Variants in SDK1 observed in about 807,000 individuals in gnomAD.
The protein encoded by SDK1 is protein sidekick-1.
In SDK1, 157 loss-of-function variants were observed where a neutral mutation model predicts 245.5. The observed-to-expected ratio is 0.64, with a 90% CI of 0.56 to 0.73. SDK1 has a LOEUF of 0.73. Ranked by LOEUF, SDK1 falls within the 30% of genes least tolerant of loss-of-function variation. The probability of loss-of-function intolerance (pLI) is 0.00; values close to 1 mark genes in which losing one functional copy is unlikely to be tolerated. For synonymous variants in SDK1, 1,647 were observed against 1,278.5 expected (o/e 1.29, Z -6.15); for missense variants, 3,583 against 3,002.3 (o/e 1.19, Z -4.52).
chr7:4,266,355 G>A lies in SDK1; in HGVS notation c.*971G>A, dbSNP rs1015308596. 5 of 985,218 alleles carry A rather than the reference G, an allele frequency of 5.1e-6. No individual in the cohort carries two copies. The African/African-American group carries it at 8.7e-5, about 17-fold the overall frequency. The allele number at this position is 985,218 out of a possible 1,614,324, so 61.0% of individuals were successfully genotyped here. On this transcript the variant is annotated 3_prime_UTR_variant, in exon 45 of 45. Transcript: ENST00000404826. ...ATTAATTGTTCAGCTTTGTACATGG[G>A]AAAGATGAAAAGCAACAGTGTCTGC...
intron 1 of SDK1, among the ~76,000 whole-genome samples, chr7:3,309,631 T>C (rs762707314): frequency 6.6e-6 from 1 of 151,334 alleles, no homozygotes; most frequent in Non-Finnish European, 1.5e-5. Flanking sequence ...CTTTTACTTC[T>C]GATTTTTTTT....
At chr7:4,232,688 T>C (rs185298188) in intron 40 of SDK1, among the ~76,000 whole-genome samples, 4 of 151,886 alleles carry the variant, frequency 2.6e-5, no homozygotes, top group African/African-American at 9.7e-5. Context: ...GGTCTCCAGC[T>C]CTGGGCTCAA....
chr7:4,038,880 A>G (rs1788401169), intron 17 of SDK1, among the ~76,000 whole-genome samples: 1 of 152,180 alleles, frequency 6.6e-6, no homozygotes, highest in Non-Finnish European at 1.5e-5. Flanking sequence ...ATGTCATTGC[A>G]TCTTCTGATT....
intron 1 of SDK1, among the ~76,000 whole-genome samples, chr7:3,524,546 G>A (rs555549325): frequency 4.6e-5 from 7 of 152,216 alleles, no homozygotes; most frequent in Admixed American, 2.6e-4. Context: ...GTGTATGTGC[G>A]CGCTCATGTA....
At chr7:3,564,664 A>T (rs1779852196) in intron 1 of SDK1, among the ~76,000 whole-genome samples, 1 of 152,140 alleles carries the variant, frequency 6.6e-6, no homozygotes, top group African/African-American at 2.4e-5. Flanking sequence ...AAATTATCCT[A>T]AGAAATACAG....
At position 3,478,565 on chromosome 7, in the gene SDK1, C is replaced by G. The variant is rs1051363494; in HGVS notation, c.299-140515C>G. On this transcript the variant is annotated intron_variant, in intron 1 of 44. Coordinates refer to ENST00000404826, the MANE Select transcript of SDK1 (RefSeq NM_152744.4). The stretch of plus-strand genomic sequence containing the variant: ...CAGTTATCACAAATTTTATGTGTAT[C>G]TATAAGTCTTTTTGCATTTGTGTGG... 8.6e-5 allele frequency among the ~76,000 whole-genome samples: 13 copies of G among 151,856 alleles called. 1 individual carries two copies. Among genetic ancestry groups the G allele is most frequent in the South Asian group, 8.3e-4 (4 of 4,824 alleles).
chr7:3,498,583 A>G (rs1334985933), intron 1 of SDK1, among the ~76,000 whole-genome samples: 4 of 152,084 alleles, frequency 2.6e-5, no homozygotes, highest in African/African-American at 9.7e-5. Context: ...GATAGCTATT[A>G]CTTCTTCCTT....
chr7:4,251,865 A>G lies in SDK1; in HGVS notation c.6381+6060A>G, dbSNP rs970956259. Among the ~76,000 whole-genome samples, 50 of 152,262 alleles carry G rather than the reference A, an allele frequency of 3.3e-4. 1 individual carries two copies. The highest frequency in any genetic ancestry group is 3.4e-3 in the Middle Eastern group (1 of 294). On this transcript the variant is annotated intron_variant, in intron 44 of 44. Transcript: ENST00000404826. ...GGTTACTGTGAACAATATTCCCTTT[A>G]TCTGGTTGAGTTTGGTGAGTGTTTT...
chr7:3,574,876 A>G (rs1780235048), intron 1 of SDK1, among the ~76,000 whole-genome samples: 1 of 152,108 alleles, frequency 6.6e-6, no homozygotes, highest in Admixed American at 6.5e-5. Context: ...AATTTTACAA[A>G]TTACACGAAA....
At chr7:3,652,194 C>T (rs148857993) in intron 4 of SDK1, among the ~76,000 whole-genome samples, 15 of 152,280 alleles carry the variant, frequency 9.9e-5, no homozygotes, top group East Asian at 3.9e-4. Context: ...GCAGAGAAAC[C>T]GCGCGTGTCT....
intron 1 of SDK1, among the ~76,000 whole-genome samples, chr7:3,308,724 A>G (rs1779479751): frequency 6.6e-6 from 1 of 152,134 alleles, no homozygotes; most frequent in Admixed American, 6.5e-5. Flanking sequence ...CCTGGGGTCC[A>G]TATTATTACG....
intron 1 of SDK1, among the ~76,000 whole-genome samples, chr7:3,594,142 A>G (rs1274397547): frequency 5.9e-5 from 9 of 152,150 alleles, no homozygotes; most frequent in Non-Finnish European, 1.0e-4. Context: ...TTTCCCAGGT[A>G]ATCACTCACC....
rs369403036 is a variant in SDK1, at chr7:4,055,689, C to T, written c.2911+3859C>T. The stretch of plus-strand genomic sequence containing the variant: ...CTGCTTGCTTTGAGTGTATTTTGCT[C>T]TCCCTTTTCTGCTTTCTTGAGGTAG... On this transcript the variant is annotated intron_variant, in intron 19 of 44. Transcript: ENST00000404826. Among the ~76,000 whole-genome samples, 10 of 151,948 alleles carry T rather than the reference C, an allele frequency of 6.6e-5. No homozygotes were observed. In the East Asian group the frequency reaches 1.7e-3, roughly 26 times the overall value.
chr7:3,648,143 C>T (rs1782905605), intron 4 of SDK1, among the ~76,000 whole-genome samples: 1 of 152,068 alleles, frequency 6.6e-6, no homozygotes, highest in African/African-American at 2.4e-5. Context: ...TAAAATTGTT[C>T]TGTGTTATTT....
intron 4 of SDK1, among the ~76,000 whole-genome samples, chr7:3,811,149 T>G (rs1779373521): frequency 6.6e-6 from 1 of 152,168 alleles, no homozygotes; most frequent in South Asian, 2.1e-4. Context: ...CCAGCCTCAT[T>G]CACCTCACTA....
chr7:3,552,642 C>G (rs1562558090), intron 1 of SDK1, among the ~76,000 whole-genome samples: 1 of 152,142 alleles, frequency 6.6e-6, no homozygotes, highest in Non-Finnish European at 1.5e-5. Flanking sequence ...CTGGACTGAC[C>G]ACAGAGTAAG....
At chr7:4,168,515 A>T (rs981637547) in intron 32 of SDK1, among the ~76,000 whole-genome samples, 41 of 152,150 alleles carry the variant, frequency 2.7e-4, no homozygotes, top group African/African-American at 9.2e-4. Flanking sequence ...CAGGGAGAAC[A>T]TTTTTATTTT....
chr7:3,595,189 ACT>A (rs946330975), intron 1 of SDK1, among the ~76,000 whole-genome samples: 57 of 147,844 alleles, frequency 3.9e-4, no homozygotes, highest in Non-Finnish European at 5.8e-4. Flanking sequence ...GCTAATTAAC[ACT>A]GTTTTTTTCT....
chr7:4,173,214 T>C (rs1366723035), intron 32 of SDK1, among the ~76,000 whole-genome samples: 3 of 152,206 alleles, frequency 2.0e-5, no homozygotes, highest in Non-Finnish European at 4.4e-5. Context: ...TCCTGTTCCT[T>C]ATCCCTCATC....
Sources: allele counts gnomAD v4.1 joint callset (sites outside exome capture counted in the v4.1 genomes callset), GRCh38; gene constraint gnomAD v4.1.1; transcripts MANE v1.5; gene names NCBI Gene and HGNC (gene_info 2026-07-23, HGNC 2026-07-21).